Variants in EPHA7 observed in about 807,000 individuals in gnomAD.
EPHA7 encodes ephrin type-A receptor 7.
In EPHA7, 25 loss-of-function variants were observed where a neutral mutation model predicts 112.6. That is an observed-to-expected ratio of 0.22 (90% CI 0.16 to 0.31). The LOEUF (loss-of-function observed/expected upper bound fraction) is 0.31. Among genes scored for constraint, EPHA7 ranks in the 10% least tolerant of loss-of-function variants. The pLI, the probability that EPHA7 is intolerant of heterozygous loss-of-function variation, is 1.00. For missense variants in EPHA7, 962 were observed against 1,212.6 expected, an observed-to-expected ratio of 0.79 and a Z score of 3.07; for synonymous variants, 437 against 406.5, an observed-to-expected ratio of 1.07 and a Z score of -0.90.
intron 7 of EPHA7, among the ~76,000 whole-genome samples, chr6:93,265,978 G>C: frequency 6.6e-6 from 1 of 151,320 alleles, no homozygotes; most frequent in East Asian, 2.0e-4. Flanking sequence ...TTGAAAAACA[G>C]GAAAAATCGC....
chr6:93,293,085 T>C (rs987700216), intron 5 of EPHA7, among the ~76,000 whole-genome samples: 4 of 151,960 alleles, frequency 2.6e-5, no homozygotes, highest in Non-Finnish European at 5.9e-5. Context: ...AGTTAAAGAT[T>C]TTTTAAAAAT....
At chr6:93,364,922 C>T (rs1294707687) in intron 3 of EPHA7, among the ~76,000 whole-genome samples, 1 of 152,042 alleles carries the variant, frequency 6.6e-6, no homozygotes, top group Non-Finnish European at 1.5e-5. Context: ...CTTACCAAAA[C>T]CAAGCTTATA....
chr6:93,397,785 G>T (rs2127986867), intron 3 of EPHA7, among the ~76,000 whole-genome samples: 1 of 151,900 alleles, frequency 6.6e-6, no homozygotes, highest in South Asian at 2.1e-4. Context: ...AGCAGACTTG[G>T]TTTTGTTATT....
At chr6:93,264,546 A>G (rs780396302) in intron 8 of EPHA7, 48 bp downstream of exon 8, 2 of 1,257,536 alleles carry the variant, frequency 1.6e-6, no homozygotes, top group Non-Finnish European at 2.3e-6. Context: ...ATAATTCTTA[A>G]AAAACAATAC....
chr6:93,366,630 G>A (rs1776525524), intron 3 of EPHA7, among the ~76,000 whole-genome samples: 1 of 152,060 alleles, frequency 6.6e-6, no homozygotes, highest in Non-Finnish European at 1.5e-5. Flanking sequence ...TTCTACAGGG[G>A]CTGTCCTGCA....
chr6:93,336,829 T>A (rs1322608512), intron 5 of EPHA7, among the ~76,000 whole-genome samples: 1 of 151,970 alleles, frequency 6.6e-6, no homozygotes, highest in African/African-American at 2.4e-5. Context: ...TTAACAATTT[T>A]ACCATAAATT....
At chr6:93,247,391 C>CA (rs1246201685) in intron 14 of EPHA7, among the ~76,000 whole-genome samples, 8 of 152,080 alleles carry the variant, frequency 5.3e-5, no homozygotes, top group Admixed American at 3.9e-4. Flanking sequence ...CAGAATGAGC[C>CA]AAAATGATTC....
chr6:93,322,250 G>A (rs1222776836), intron 5 of EPHA7, among the ~76,000 whole-genome samples: 1 of 151,484 alleles, frequency 6.6e-6, no homozygotes, highest in Non-Finnish European at 1.5e-5. Flanking sequence ...TTACACTGTA[G>A]GAAAGTGAGA....
chr6:93,401,589 C>T (rs150678222), intron 3 of EPHA7, among the ~76,000 whole-genome samples: 1,627 of 152,090 alleles, frequency 0.011, 15 homozygotes, highest in Non-Finnish European at 0.018. Flanking sequence ...AGTTGTTTTA[C>T]TACCAGATTA....
At chr6:93,317,245 A>C (rs1773858306) in intron 5 of EPHA7, among the ~76,000 whole-genome samples, 1 of 152,146 alleles carries the variant, frequency 6.6e-6, no homozygotes, top group Admixed American at 6.5e-5. Flanking sequence ...TACTATAGGG[A>C]TTTTAAAGAT....
rs980095363 is a variant in EPHA7 at position 93,371,432 on chromosome 6, C to T, written c.833-13021G>A. Among the ~76,000 whole-genome samples, 12 of 152,074 alleles carry T rather than the reference C, an allele frequency of 7.9e-5. No homozygotes were observed. The East Asian group carries it at 1.7e-3, about 22-fold the overall frequency. On this transcript the variant is annotated intron_variant, in intron 3 of 16. Coordinates refer to ENST00000369303, the MANE Select transcript of EPHA7 (RefSeq NM_004440.4). ...AGTTTATATGCAAATACTATATATG[C>T]CATTTTATATAAGGGACTTAAGCAT...
chr6:93,377,208 G>T (rs566709938), intron 3 of EPHA7, among the ~76,000 whole-genome samples: 1 of 152,130 alleles, frequency 6.6e-6, no homozygotes, highest in Non-Finnish European at 1.5e-5. Flanking sequence ...CATCAAGCAT[G>T]CTGCTAAACA....
chr6:93,345,208 GT>G (rs1562111852), intron 5 of EPHA7, among the ~76,000 whole-genome samples: 2 of 151,732 alleles, frequency 1.3e-5, no homozygotes, highest in East Asian at 3.9e-4. Context: ...AACCAGTTTT[GT>G]TTTTATCATC....
intron 3 of EPHA7, among the ~76,000 whole-genome samples, chr6:93,374,817 G>A (rs1011784758): frequency 7.2e-5 from 11 of 151,954 alleles, no homozygotes; most frequent in African/African-American, 2.7e-4. Flanking sequence ...ATCACTATGA[G>A]GATTAAATTA....
chr6:93,392,644 T>C (rs1777968871), intron 3 of EPHA7, among the ~76,000 whole-genome samples: 2 of 151,984 alleles, frequency 1.3e-5, no homozygotes, highest in Admixed American at 6.6e-5. Context: ...AGATACAAAA[T>C]AACATTTTGC....
In EPHA7 at chr6:93,241,681, C is replaced by T. The variant is rs746913381; in HGVS notation, c.*1745G>A. 1 of 223,506 alleles carries T rather than the reference C, an allele frequency of 4.5e-6. No homozygotes were observed. The highest frequency in any genetic ancestry group is 8.9e-6 in the Non-Finnish European group (1 of 111,734). The allele number at this position is 223,506 out of a possible 1,614,324, so 13.8% of individuals were successfully genotyped here. A position where few individuals can be genotyped will look rare whatever the true frequency, so the allele number is the denominator to read the frequency against. On this transcript the variant is annotated 3_prime_UTR_variant, in exon 17 of 17. Transcript: ENST00000369303. ...GCAATCCATTTGAGTTTTTCTATAG[C>T]CGTCTTTGGTCCTAAATGTGGGAAA... is the stretch of plus-strand genomic sequence containing the variant.
In EPHA7 at chr6:93,254,738, GTGAATTTCCGGTACTGGA is replaced by G; in HGVS notation, c.2423_2440del (p.Ile808_Phe813del). 6.2e-7 allele frequency: 1 copy of G among 1,613,534 alleles called. No homozygotes were observed. The highest frequency in any genetic ancestry group is 8.5e-7 in the Non-Finnish European group (1 of 1,179,652). On this transcript the variant is annotated inframe_deletion, in exon 14 of 17. Coordinates refer to ENST00000369303, the MANE Select transcript of EPHA7 (RefSeq NM_004440.4). ...ATAGCTCCATACATCACTGGCTGAT[GTGAATTTCCGGTACTGGA>G]TGGCTTCGGGTGCTGTCCACCTTAC...
At chr6:93,286,771 G>GGAA (rs1457223198) in intron 5 of EPHA7, among the ~76,000 whole-genome samples, 1 of 152,060 alleles carries the variant, frequency 6.6e-6, no homozygotes, top group Non-Finnish European at 1.5e-5. Context: ...TTTTTTGCTT[G>GGAA]TATCTGGGAG....
chr6:93,411,573 A>T (rs1420967209), intron 2 of EPHA7, among the ~76,000 whole-genome samples: 5 of 152,156 alleles, frequency 3.3e-5, no homozygotes, highest in Admixed American at 6.5e-5. Flanking sequence ...TTGACATTTT[A>T]AGTGGCCATA....
Sources: gnomAD v4.1 joint callset for allele counts (sites outside exome capture counted in the v4.1 genomes callset) on GRCh38, gnomAD v4.1.1 for gene constraint, MANE v1.5 for transcripts, NCBI Gene and HGNC (gene_info 2026-07-23, HGNC 2026-07-21) for gene names.